The following LRRTM4 variants were observed in gnomAD, a reference collection of about 807,000 sequenced individuals.
LRRTM4 encodes the protein leucine-rich repeat transmembrane neuronal protein 4.
Under a neutral mutation model 47.6 loss-of-function variants are expected in LRRTM4, and 25 were observed. The observed-to-expected ratio is 0.53, with a 90% CI of 0.38 to 0.73. The LOEUF is 0.73. Among genes scored for constraint, LRRTM4 ranks in the 30% least tolerant of loss-of-function variants. The pLI, the probability that LRRTM4 is intolerant of heterozygous loss-of-function variation, is 0.00. For missense variants in LRRTM4, 638 were observed against 713.4 expected, an observed-to-expected ratio of 0.89 and a Z score of 1.20; for synonymous variants, 311 against 269.5, an observed-to-expected ratio of 1.15 and a Z score of -1.51.
At chr2:77,170,938 T>TTATGCA (rs1673030560) in intron 3 of LRRTM4, among the ~76,000 whole-genome samples, 1 of 98,916 alleles carries the variant, frequency 1.0e-5, no homozygotes, top group African/African-American at 4.3e-5. Context: ...AAAGCTATAT[T>TTATGCA]TATGTATTAT....
intron 3 of LRRTM4, among the ~76,000 whole-genome samples, chr2:77,175,950 C>A (rs1359432874): frequency 6.6e-6 from 1 of 151,344 alleles, no homozygotes; most frequent in East Asian, 1.9e-4. Flanking sequence ...TGAGCCACTG[C>A]GCCCGCTACT....
chr2:77,521,146 A>G (rs558076763), intron 2 of LRRTM4, among the ~76,000 whole-genome samples: 40 of 151,800 alleles, frequency 2.6e-4, no homozygotes, highest in African/African-American at 3.6e-4. Flanking sequence ...AAAGGGGGGG[A>G]AAAAAGCCAG....
chr2:76,838,465 T>A (rs1671580519), intron 3 of LRRTM4, among the ~76,000 whole-genome samples: 2 of 152,146 alleles, frequency 1.3e-5, no homozygotes. Flanking sequence ...ATACTATTAT[T>A]AATGATAGTG....
intron 3 of LRRTM4, among the ~76,000 whole-genome samples, chr2:76,770,971 C>T (rs139886433): frequency 7.0e-4 from 107 of 152,276 alleles, no homozygotes; most frequent in African/African-American, 2.5e-3. Flanking sequence ...TTTATACAAT[C>T]GTTAGAAAAG....
At chr2:76,801,192 C>T (rs867298753) in intron 3 of LRRTM4, among the ~76,000 whole-genome samples, 15 of 152,228 alleles carry the variant, frequency 9.9e-5, no homozygotes, top group South Asian at 8.3e-4. Context: ...TAAATCATTG[C>T]TGCTATAAAG....
Position 76,811,673 on chromosome 2 carries a change from G to A in LRRTM4, c.1552-62757C>T, listed in dbSNP as rs537163846. 1.1e-3 allele frequency among the ~76,000 whole-genome samples: 167 copies of A among 152,264 alleles called. 1 individual carries two copies. Among genetic ancestry groups the A allele is most frequent in the Non-Finnish European group, 1.7e-3 (119 of 68,008 alleles). Reference sequence around the variant, plus strand: ...GAGAGTTGTAAACACCAAAAGGGCTGACTTCATGTATGTATGACTTGTGCA... The same window carrying A: ...GAGAGTTGTAAACACCAAAAGGGCTAACTTCATGTATGTATGACTTGTGCA... On this transcript the variant is annotated intron_variant, in intron 3 of 3. Coordinates refer to ENST00000409884, the MANE Select transcript of LRRTM4 (RefSeq NM_001134745.3).
intron 3 of LRRTM4, among the ~76,000 whole-genome samples, chr2:77,299,984 T>C (rs1677087575): frequency 6.6e-6 from 1 of 151,052 alleles, no homozygotes; most frequent in African/African-American, 2.4e-5. Context: ...GCGGAGTAAC[T>C]GGGACTACAG....
rs182018370 is a variant in LRRTM4 at position 77,263,996 on chromosome 2, G to A, written c.1551+254322C>T. Among the ~76,000 whole-genome samples, 412 of 150,862 alleles carry A rather than the reference G, an allele frequency of 2.7e-3. 1 individual carries two copies. The highest frequency in any genetic ancestry group is 4.5e-3 in the Admixed American group (68 of 15,108). On this transcript the variant is annotated intron_variant, in intron 3 of 3. Coordinates refer to ENST00000409884, the MANE Select transcript of LRRTM4 (RefSeq NM_001134745.3). Reference sequence around the variant, plus strand: ...GTGTTAGAGAAAGATATGTTAAACCGAAACTTCTTTAAGTTTTTTTTTTTA... The same window carrying A: ...GTGTTAGAGAAAGATATGTTAAACCAAAACTTCTTTAAGTTTTTTTTTTTA...
At chr2:76,782,981 C>A (rs1674482323) in intron 3 of LRRTM4, among the ~76,000 whole-genome samples, 1 of 151,990 alleles carries the variant, frequency 6.6e-6, no homozygotes, top group South Asian at 2.1e-4. Flanking sequence ...CTTAAAAATT[C>A]CTTTTAATCT....
intron 3 of LRRTM4, among the ~76,000 whole-genome samples, chr2:77,258,605 A>C (rs116425162): frequency 0.016 from 2,365 of 152,130 alleles, 24 homozygotes; most frequent in African/African-American, 0.032. Flanking sequence ...GGAAAAAAAA[A>C]CAAAATAATT....
chr2:77,208,626 A>G (rs1264222519), intron 3 of LRRTM4, among the ~76,000 whole-genome samples: 2 of 152,128 alleles, frequency 1.3e-5, no homozygotes, highest in East Asian at 1.9e-4. Flanking sequence ...ATATGAATGT[A>G]TGAGGTGAGG....
intron 3 of LRRTM4, among the ~76,000 whole-genome samples, chr2:77,468,441 C>T (rs1677063534): frequency 6.6e-6 from 1 of 152,136 alleles, no homozygotes; most frequent in Non-Finnish European, 1.5e-5. Context: ...TTATAGCATG[C>T]TATAAATTCA....
intron 3 of LRRTM4, among the ~76,000 whole-genome samples, chr2:76,785,395 G>T (rs1453428041): frequency 6.6e-6 from 1 of 152,074 alleles, no homozygotes. Flanking sequence ...TCTTATACAT[G>T]TATTTATTAA....
intron 3 of LRRTM4, among the ~76,000 whole-genome samples, chr2:76,893,724 A>C (rs1673323964): frequency 1.3e-5 from 2 of 151,858 alleles, no homozygotes; most frequent in Admixed American, 1.3e-4. Context: ...TCTCAAGGTC[A>C]GAGGTAGAAC....
At position 77,519,230 on chromosome 2, in the gene LRRTM4, C is replaced by T; in HGVS notation, c.639G>A (p.Glu213=). 2.5e-6 allele frequency: 4 copies of T among 1,613,362 alleles called. No homozygotes were observed. The highest frequency in any genetic ancestry group is 3.4e-6 in the Non-Finnish European group (4 of 1,179,596). The change falls in exon 3 of 4, where the codon GAG becomes GAA. Residue 213 remains glutamate, a synonymous_variant. Coordinates refer to ENST00000409884, the MANE Select transcript of LRRTM4 (RefSeq NM_001134745.3). The surrounding 1 kb of genome is among the most constrained non-coding windows in gnomAD (Gnocchi z 4.6). ...GLLKLKELHL[E]HNQFSKINFA... Reference sequence around the variant, plus strand: ...AGTTGATCTTGGAAAACTGGTTGTGCTCCAGGTGGAGCTCCTTTAACTTCA... The same window carrying T: ...AGTTGATCTTGGAAAACTGGTTGTGTTCCAGGTGGAGCTCCTTTAACTTCA...
rs559000897 is a variant in LRRTM4, at chr2:77,356,352, T to A, written c.1551+161966A>T. Among the ~76,000 whole-genome samples, 7 of 152,184 alleles carry A rather than the reference T, an allele frequency of 4.6e-5. No homozygotes were observed. The South Asian group carries it at 1.5e-3, about 32-fold the overall frequency. On this transcript the variant is annotated intron_variant, in intron 3 of 3. Coordinates refer to ENST00000409884, the MANE Select transcript of LRRTM4 (RefSeq NM_001134745.3). ...AGTATCTACTAGTGTGATGGTGAGATTTCAATGAAAGGCATAAGTAACTCA... is the reference window on the plus strand; with the variant it reads ...AGTATCTACTAGTGTGATGGTGAGAATTCAATGAAAGGCATAAGTAACTCA...
At chr2:77,228,503 T>C (rs1279293287) in intron 3 of LRRTM4, among the ~76,000 whole-genome samples, 1 of 152,152 alleles carries the variant, frequency 6.6e-6, no homozygotes, top group Admixed American at 6.6e-5. Context: ...GCCTTCTTGA[T>C]CATGCCAGTG....
intron 3 of LRRTM4, among the ~76,000 whole-genome samples, chr2:76,974,090 A>C (rs1330137036): frequency 3.3e-5 from 5 of 150,408 alleles, no homozygotes; most frequent in South Asian, 4.2e-4. Flanking sequence ...AAAAAAATGC[A>C]GTTTCTAAAG....
chr2:76,791,534 C>A (rs1674972305), intron 3 of LRRTM4, among the ~76,000 whole-genome samples: 1 of 152,130 alleles, frequency 6.6e-6, no homozygotes, highest in South Asian at 2.1e-4. Context: ...AATGGCACAC[C>A]TCTACTTGAG....
Sources: gnomAD v4.1 joint callset for allele counts (sites outside exome capture counted in the v4.1 genomes callset) on GRCh38, gnomAD v4.1.1 for gene constraint, Gnocchi (gnomAD v3.1) non-coding constraint, MANE v1.5 for transcripts, NCBI Gene and HGNC (gene_info 2026-07-23, HGNC 2026-07-21) for gene names.